The following UBR2 variants were observed in gnomAD, a reference collection of about 807,000 sequenced individuals.
UBR2 encodes the protein E3 ubiquitin-protein ligase UBR2.
Under a neutral mutation model 247.9 loss-of-function variants are expected in UBR2, and 92 were observed. The ratio of observed to expected loss-of-function variants is 0.37; its 90% CI spans 0.31 to 0.44. The LOEUF is 0.44. Among genes scored for constraint, UBR2 ranks in the 20% least tolerant of loss-of-function variants. The probability of loss-of-function intolerance (pLI) is 1.00; values close to 1 mark genes in which losing one functional copy is unlikely to be tolerated. For synonymous variants in UBR2, 672 were observed against 693.5 expected (o/e 0.97, Z 0.49); for missense variants, 1,613 against 2,112.6 (o/e 0.76, Z 4.64).
intron 11 of UBR2, among the ~76,000 whole-genome samples, chr6:42,626,540 G>T (rs1488573878): frequency 6.6e-6 from 1 of 152,076 alleles, no homozygotes; most frequent in East Asian, 1.9e-4. Flanking sequence ...ATTTTGGGGT[G>T]GCATATTCGA....
intron 2 of UBR2, among the ~76,000 whole-genome samples, chr6:42,574,538 G>A (rs1791373201): frequency 6.6e-6 from 1 of 152,100 alleles, no homozygotes; most frequent in South Asian, 2.1e-4. Context: ...TGCATTTACT[G>A]CTGTTAGGAA....
Position 42,625,826 on chromosome 6 carries a change from T to A in UBR2, c.1282-6726T>A, listed in dbSNP as rs372958318. Reference sequence around the variant, plus strand: ...TGATTTATTTTTCCCCCCTTTTTTTTTTTTTGAGGCGGAGTCTCGCTCTGT... The same window carrying A: ...TGATTTATTTTTCCCCCCTTTTTTTATTTTTGAGGCGGAGTCTCGCTCTGT... On this transcript the variant is annotated intron_variant, in intron 11 of 46. Transcript: ENST00000372901. Among the ~76,000 whole-genome samples the A allele has an allele frequency of 7.9e-5, 12 of 151,954 alleles. No individual in the cohort carries two copies. The East Asian group carries it at 1.9e-3, about 24-fold the overall frequency.
At chr6:42,675,252 G>A (rs1798654907) in intron 38 of UBR2, among the ~76,000 whole-genome samples, 1 of 152,180 alleles carries the variant, frequency 6.6e-6, no homozygotes, top group Admixed American at 6.6e-5. Flanking sequence ...GCTAGCATTT[G>A]TGTACCTGCC....
chr6:42,598,355 A>T (rs1793137098), intron 4 of UBR2, among the ~76,000 whole-genome samples: 1 of 152,240 alleles, frequency 6.6e-6, no homozygotes, highest in South Asian at 2.1e-4. Context: ...TTGTTTTCCC[A>T]TTACAAACAA....
chr6:42,678,385 A>G (rs1465375187), intron 40 of UBR2, among the ~76,000 whole-genome samples, 154 bp from the exon 41 acceptor site: 2 of 152,258 alleles, frequency 1.3e-5, no homozygotes. Context: ...TACACCTGGC[A>G]TCCTATAATA....
intron 8 of UBR2, among the ~76,000 whole-genome samples, chr6:42,614,278 A>G (rs772536438): frequency 6.9e-6 from 1 of 145,672 alleles, no homozygotes; most frequent in East Asian, 2.0e-4. Context: ...ACACGTACAT[A>G]TATATGTATG....
At chr6:42,682,734 A>G (rs1164597256) in intron 42 of UBR2, among the ~76,000 whole-genome samples, 2 of 152,214 alleles carry the variant, frequency 1.3e-5, no homozygotes, top group Non-Finnish European at 2.9e-5. Flanking sequence ...TATTTTTAAT[A>G]TGAATGTTCT....
intron 2 of UBR2, 125 bp downstream of exon 2, chr6:42,574,118 A>G (rs1791347364): frequency 1.1e-6 from 1 of 910,702 alleles, no homozygotes; most frequent in Non-Finnish European, 1.5e-6. Context: ...TCTGTATTAC[A>G]AATACATGCT....
chr6:42,637,341 A>AG, intron 15 of UBR2, 147 bp downstream of exon 15: 1 of 934,270 alleles, frequency 1.1e-6, no homozygotes, highest in Non-Finnish European at 1.6e-6. Context: ...CGTCCTGTGA[A>AG]GTAGGTATTA....
At chr6:42,629,385 G>C (rs1253140711) in intron 11 of UBR2, among the ~76,000 whole-genome samples, 1 of 151,314 alleles carries the variant, frequency 6.6e-6, no homozygotes, top group Non-Finnish European at 1.5e-5. Flanking sequence ...CAGGCACAGT[G>C]GCGCACACCT....
chr6:42,571,233 A>G (rs1409350511), intron 1 of UBR2, among the ~76,000 whole-genome samples: 3 of 110,588 alleles, frequency 2.7e-5, no homozygotes, highest in African/African-American at 3.8e-5. Flanking sequence ...ACAGAGCAAG[A>G]CTCCGTCTCA....
chr6:42,683,154 G>T (rs757559979), intron 43 of UBR2, 43 bp downstream of exon 43: 19 of 1,536,020 alleles, frequency 1.2e-5, no homozygotes. Context: ...GTGGGAGAAA[G>T]GGTGGAATCA....
intron 1 of UBR2, among the ~76,000 whole-genome samples, chr6:42,565,282 A>G (rs1174529175): frequency 6.6e-6 from 1 of 152,200 alleles, no homozygotes; most frequent in Admixed American, 6.5e-5. Context: ...AATGATTATG[A>G]ATGGACCAAG....
chr6:42,632,069 A>AAATATATATATAT (rs56721828), intron 11 of UBR2, among the ~76,000 whole-genome samples: 6 of 114,076 alleles, frequency 5.3e-5, no homozygotes, highest in African/African-American at 2.0e-4. Flanking sequence ...AAAAAAAAAA[A>AAATATATATATAT]ATATATATAT....
At chr6:42,594,369 G>C in intron 4 of UBR2, 65 bp downstream of exon 4, 2 of 1,269,608 alleles carry the variant, frequency 1.6e-6, no homozygotes, top group Non-Finnish European at 2.3e-6. Flanking sequence ...ATAGTCATTA[G>C]ATGATGTGAG....
intron 40 of UBR2, 96 bp downstream of exon 40, chr6:42,676,969 TGTC>T: frequency 9.8e-7 from 1 of 1,016,088 alleles, no homozygotes; most frequent in Non-Finnish European, 1.5e-6. Context: ...GGGAATTTGT[TGTC>T]TGTTGACATG....
intron 23 of UBR2, among the ~76,000 whole-genome samples, chr6:42,651,817 G>C (rs528471984): frequency 6.6e-6 from 1 of 151,662 alleles, no homozygotes; most frequent in South Asian, 2.1e-4. Flanking sequence ...TCTGATTTTA[G>C]ATGTTCATCC....
intron 4 of UBR2, among the ~76,000 whole-genome samples, chr6:42,599,645 T>TTTTTG (rs201361834): frequency 0.022 from 3,408 of 152,028 alleles, 117 homozygotes; most frequent in African/African-American, 0.079. Context: ...TATGCTTTTG[T>TTTTTG]TTTTGTTTTG....
rs201016886 is a variant in UBR2 at position 42,603,632 on chromosome 6, T to C, written c.576T>C (p.Tyr192=). ...CAGAAGATGTGATAGCAAGAACTTA[T>C]AACATTTTTGCTATTACGTTTCGGT... ...HLSEDVIART[Y]NIFAITFRYA... is the part of the protein sequence containing the mutation. The change falls in exon 5 of 47, where the codon TAT becomes TAC. Residue 192 remains tyrosine, a synonymous_variant. Coordinates refer to ENST00000372901, the MANE Select transcript of UBR2 (RefSeq NM_001363705.2). 206 of 1,595,286 alleles carry C rather than the reference T, an allele frequency of 1.3e-4. No individual in the cohort carries two copies. The highest frequency in any genetic ancestry group is 1.5e-4 in the Non-Finnish European group (176 of 1,175,544).
Sources: gnomAD v4.1 joint callset for allele counts (sites outside exome capture counted in the v4.1 genomes callset) on GRCh38, gnomAD v4.1.1 for gene constraint, MANE v1.5 for transcripts, NCBI Gene and HGNC (gene_info 2026-07-23, HGNC 2026-07-21) for gene names.